DTNA: variants seen among roughly 807,000 people sequenced by gnomAD.
The protein encoded by DTNA is dystrophin-related protein 3.
In DTNA, 43 loss-of-function variants were observed where a neutral mutation model predicts 100.7. The observed-to-expected ratio is 0.43, with a 90% CI of 0.33 to 0.55. The LOEUF is 0.55. Ranked by LOEUF, DTNA falls within the 20% of genes least tolerant of loss-of-function variation. The pLI, the probability that DTNA is intolerant of heterozygous loss-of-function variation, is 0.04. For synonymous variants in DTNA, 349 were observed against 347.9 expected (o/e 1.00, Z -0.04); for missense variants, 798 against 953.9 (o/e 0.84, Z 2.15).
intron 1 of DTNA, among the ~76,000 whole-genome samples, chr18:34,590,028 C>T (rs1024503816): frequency 3.3e-5 from 5 of 152,038 alleles, no homozygotes; most frequent in African/African-American, 1.2e-4. Flanking sequence ...TGGTTGTTCC[C>T]ACATCTTGGT....
intron 2 of DTNA, among the ~76,000 whole-genome samples, chr18:34,764,726 G>A (rs945605726): frequency 7.9e-5 from 12 of 152,170 alleles, no homozygotes; most frequent in South Asian, 4.1e-4. Flanking sequence ...TTAATTGGCC[G>A]TCTAATATAA....
At chr18:34,753,366 ATTTTTTTTTTTTTT>A (rs757853063) in intron 1 of DTNA, among the ~76,000 whole-genome samples, 12 of 133,150 alleles carry the variant, frequency 9.0e-5, no homozygotes, top group South Asian at 4.4e-4. Flanking sequence ...TATTTATTTT[ATTTTTTTTTTTTTT>A]TTATTTTTTA....
chr18:34,787,036 G>A (rs1568519120), intron 3 of DTNA, among the ~76,000 whole-genome samples: 1 of 152,086 alleles, frequency 6.6e-6, no homozygotes. Flanking sequence ...GGTCTGTGTG[G>A]GAGCCTAAGA....
Position 34,889,335 on chromosome 18 carries a change from T to C in DTNA, c.*1601T>C, listed in dbSNP as rs565870254. On this transcript the variant is annotated 3_prime_UTR_variant, in exon 23 of 23. Transcript: ENST00000444659. ...TAAGCCCCACCTCAGGCCTACTGAA[T>C]CAGAAGCTCTGGGGGTTGGGTCCAG... The C allele has an allele frequency of 2.9e-4, 286 of 981,968 alleles. 1 individual carries two copies. Among genetic ancestry groups the C allele is most frequent in the Non-Finnish European group, 3.3e-4 (277 of 826,962 alleles). The allele number at this position is 981,968 out of a possible 1,614,324, so 60.8% of individuals were successfully genotyped here.
rs990705994 is a variant in DTNA at position 34,890,069 on chromosome 18, A to C, written c.*2335A>C. The C allele has an allele frequency of 7.3e-7, 1 of 1,362,726 alleles. No individual in the cohort carries two copies. The highest frequency in any genetic ancestry group is 1.5e-5 in the African/African-American group (1 of 68,298). The allele number at this position is 1,362,726 out of a possible 1,614,324, so 84.4% of individuals were successfully genotyped here. Reference sequence around the variant, plus strand: ...TAAATCCTGCACGTGGCACTCCACCACTGACTGGACCGAGCTGGCATATGT... The same window carrying C: ...TAAATCCTGCACGTGGCACTCCACCCCTGACTGGACCGAGCTGGCATATGT... On this transcript the variant is annotated 3_prime_UTR_variant, in exon 23 of 23. Coordinates refer to ENST00000444659, the MANE Select transcript of DTNA (RefSeq NM_001386795.1).
chr18:34,770,806 G>T (rs2093726743), intron 3 of DTNA, among the ~76,000 whole-genome samples: 1 of 118,278 alleles, frequency 8.5e-6, no homozygotes, highest in East Asian at 2.5e-4. Context: ...TTTTTGAGTG[G>T]AGTTTTGCTC....
chr18:34,773,991 G>C (rs1184881862), intron 3 of DTNA, among the ~76,000 whole-genome samples: 1 of 152,214 alleles, frequency 6.6e-6, no homozygotes, highest in Non-Finnish European at 1.5e-5. Context: ...AGCCACACCT[G>C]TAGTCTCGTT....
chr18:34,791,618 G>T (rs187556960), intron 3 of DTNA, among the ~76,000 whole-genome samples: 2 of 152,260 alleles, frequency 1.3e-5, no homozygotes, highest in South Asian at 2.1e-4. Context: ...TTTCCTTGTT[G>T]ATTAATTCTT....
At chr18:34,634,495 C>T (rs1482050645) in intron 1 of DTNA, among the ~76,000 whole-genome samples, 1 of 152,054 alleles carries the variant, frequency 6.6e-6, no homozygotes, top group East Asian at 1.9e-4. Context: ...TAACGTCTGG[C>T]TTAATAAAGA....
chr18:34,823,548 T>C (rs1412820988), intron 9 of DTNA, among the ~76,000 whole-genome samples: 1 of 152,242 alleles, frequency 6.6e-6, no homozygotes, highest in East Asian at 1.9e-4. Context: ...ATTGTCATAG[T>C]GCAGAAATGT....
At chr18:34,811,075 C>T (rs555861613) in intron 5 of DTNA, among the ~76,000 whole-genome samples, 1 of 152,288 alleles carries the variant, frequency 6.6e-6, no homozygotes, top group African/African-American at 2.4e-5. Flanking sequence ...AGCAGTTTAT[C>T]CCAGCAGCTG....
Position 34,794,337 on chromosome 18 carries a change from ATC to A in DTNA, c.362+95_362+96del, listed in dbSNP as rs140329586. On this transcript the variant is annotated intron_variant, in intron 4 of 22. Transcript: ENST00000444659. ...TGGTCTTTTTCCCAAACAATTTTAT[ATC>A]TCTCTCTTTTTTTTTTTACTCTCTT... The A allele has an allele frequency of 1.1e-5, 16 of 1,436,146 alleles. No individual in the cohort carries two copies. The African/African-American group carries it at 1.6e-4, about 14-fold the overall frequency. 89.0% of individuals were successfully genotyped at this position (1,436,146 alleles called of 1,614,324 possible).
intron 11 of DTNA, among the ~76,000 whole-genome samples, chr18:34,833,404 C>CTGTGTGTG (rs58409064): frequency 2.3e-4 from 34 of 145,000 alleles, no homozygotes; most frequent in East Asian, 2.0e-3. Context: ...CATTGTGTCA[C>CTGTGTGTG]TGTGTGTGTG....
chr18:34,791,666 A>G (rs2094749615), intron 3 of DTNA, among the ~76,000 whole-genome samples: 1 of 152,194 alleles, frequency 6.6e-6, no homozygotes, highest in Non-Finnish European at 1.5e-5. Flanking sequence ...AATCACTTAA[A>G]TCTGAATTTT....
intron 1 of DTNA, among the ~76,000 whole-genome samples, chr18:34,717,454 A>G (rs560395537): frequency 5.3e-5 from 8 of 152,336 alleles, no homozygotes; most frequent in South Asian, 4.1e-4. Flanking sequence ...ATACAGATCA[A>G]TGAAATCCTT....
At chr18:34,708,278 C>T (rs2082357256), upstream of DTNA, 4 of 152,186 alleles carry the variant, frequency 2.6e-5, no homozygotes, top group South Asian at 6.2e-4. Flanking sequence ...GTAAAGGCTT[C>T]TATTGACACA....
chr18:34,631,437 A>T (rs2058067923), intron 1 of DTNA, among the ~76,000 whole-genome samples: 1 of 152,154 alleles, frequency 6.6e-6, no homozygotes, highest in Non-Finnish European at 1.5e-5. Flanking sequence ...TTTTAAATTG[A>T]GAAAACTGAG....
intron 1 of DTNA, among the ~76,000 whole-genome samples, chr18:34,620,311 TA>T (rs2056222753): frequency 6.6e-6 from 1 of 152,218 alleles, no homozygotes; most frequent in South Asian, 2.1e-4. Flanking sequence ...GAACGTTTTT[TA>T]AATGTCAATT....
At chr18:34,513,691 ATT>A (rs1370317781) in intron 1 of DTNA, 2 of 152,148 alleles carry the variant, frequency 1.3e-5, no homozygotes, top group African/African-American at 4.8e-5. Flanking sequence ...GGGAGGTGCA[ATT>A]AAGAAACAAT....
Sources: allele counts gnomAD v4.1 joint callset (sites outside exome capture counted in the v4.1 genomes callset), GRCh38; gene constraint gnomAD v4.1.1; transcripts MANE v1.5; gene names NCBI Gene and HGNC (gene_info 2026-07-23, HGNC 2026-07-21).